Variants in CFTR observed in about 807,000 individuals in gnomAD.
The protein encoded by CFTR is cystic fibrosis transmembrane conductance regulator.
In CFTR, 181 loss-of-function variants were observed where a neutral mutation model predicts 171.6. That is an observed-to-expected ratio of 1.05 (90% CI 0.93 to 1.19). CFTR has a LOEUF of 1.19. CFTR is among the 50% of genes most tolerant of loss of function. The pLI, the probability that CFTR is intolerant of heterozygous loss-of-function variation, is 0.00. For missense variants in CFTR, 1,968 were observed against 1,734.7 expected, an observed-to-expected ratio of 1.13 and a Z score of -2.39; for synonymous variants, 583 against 608.0, an observed-to-expected ratio of 0.96 and a Z score of 0.60.
intron 11 of CFTR, among the ~76,000 whole-genome samples, chr7:117,581,488 A>G (rs1245960090): frequency 6.6e-6 from 1 of 152,208 alleles, no homozygotes; most frequent in Middle Eastern, 3.2e-3. Flanking sequence ...ATTGATAAAT[A>G]TCTCATTACA....
At chr7:117,487,006 A>G (rs905290173) in intron 1 of CFTR, among the ~76,000 whole-genome samples, 5 of 152,056 alleles carry the variant, frequency 3.3e-5, no homozygotes, top group African/African-American at 1.2e-4. Flanking sequence ...TAAGGATAAC[A>G]TCTATATTTG....
intron 14 of CFTR, among the ~76,000 whole-genome samples, chr7:117,593,393 A>G (rs1290488890): frequency 1.3e-5 from 2 of 152,170 alleles, no homozygotes; most frequent in Admixed American, 6.5e-5. Flanking sequence ...GTTGTAATGA[A>G]TTGATATGTT....
intron 11 of CFTR, among the ~76,000 whole-genome samples, chr7:117,560,443 A>G (rs1439748759): frequency 6.6e-6 from 1 of 152,158 alleles, no homozygotes; most frequent in Admixed American, 6.5e-5. Flanking sequence ...CAAAAGCAAT[A>G]TCTTTGATAG....
chr7:117,660,383 G>T (rs1225337447), intron 24 of CFTR, among the ~76,000 whole-genome samples: 1 of 152,068 alleles, frequency 6.6e-6, no homozygotes, highest in Non-Finnish European at 1.5e-5. Flanking sequence ...TGTAATCCTA[G>T]CACTTTGGGA....
At chr7:117,665,807 T>C (rs1793366541) in intron 26 of CFTR, among the ~76,000 whole-genome samples, 2 of 152,206 alleles carry the variant, frequency 1.3e-5, no homozygotes, top group South Asian at 4.1e-4. Flanking sequence ...TGTTTATAAA[T>C]AGGATATATA....
chr7:117,628,413 T>C (rs1310735195), intron 22 of CFTR, among the ~76,000 whole-genome samples: 3 of 152,164 alleles, frequency 2.0e-5, no homozygotes, highest in African/African-American at 4.8e-5. Flanking sequence ...TCAGGCTCCA[T>C]AAACATATTT....
intron 3 of CFTR, among the ~76,000 whole-genome samples, chr7:117,529,429 G>A (rs1484533928): frequency 7.4e-6 from 1 of 134,686 alleles, no homozygotes; most frequent in East Asian, 2.2e-4. Context: ...TGACACGTTA[G>A]TGGGTGCAGC....
intron 3 of CFTR, among the ~76,000 whole-genome samples, chr7:117,513,079 G>A (rs1182116649): frequency 1.3e-5 from 2 of 152,060 alleles, no homozygotes; most frequent in Admixed American, 6.6e-5. Context: ...AAGGTCTTTG[G>A]CCCCCTAAAG....
chr7:117,642,054 G>A (rs1011310836), intron 22 of CFTR, among the ~76,000 whole-genome samples: 4 of 152,196 alleles, frequency 2.6e-5, no homozygotes, highest in Admixed American at 2.0e-4. Flanking sequence ...TTGGGTACTA[G>A]ATCAAATTGC....
chr7:117,658,328 C>T (rs538553551), intron 24 of CFTR, among the ~76,000 whole-genome samples: 3 of 152,186 alleles, frequency 2.0e-5, no homozygotes, highest in South Asian at 2.1e-4. Flanking sequence ...ATGGGCCCAG[C>T]GCAGTGCCTG....
chr7:117,496,977 T>A (rs750299308), intron 1 of CFTR, among the ~76,000 whole-genome samples: 1 of 152,142 alleles, frequency 6.6e-6, no homozygotes, highest in African/African-American at 2.4e-5. Context: ...TGGTGTCCTT[T>A]GAAGCACAAA....
At chr7:117,636,144 T>C (rs572920162) in intron 22 of CFTR, among the ~76,000 whole-genome samples, 1 of 152,316 alleles carries the variant, frequency 6.6e-6, no homozygotes, top group East Asian at 1.9e-4. Flanking sequence ...CACAGAACTC[T>C]AGATTGGTGA....
chr7:117,603,231 C>T (rs1269300261), intron 16 of CFTR, among the ~76,000 whole-genome samples: 1 of 152,090 alleles, frequency 6.6e-6, no homozygotes, highest in Non-Finnish European at 1.5e-5. Context: ...CCTGCAGTTT[C>T]TAAAGAATAT....
chr7:117,661,527 G>A (rs1793281918), intron 24 of CFTR, among the ~76,000 whole-genome samples: 1 of 152,136 alleles, frequency 6.6e-6, no homozygotes. Context: ...GGAGCATACT[G>A]CATTCTGACC....
intron 20 of CFTR, among the ~76,000 whole-genome samples, chr7:117,612,045 A>ATATATATATG (rs1792412540): frequency 1.4e-5 from 1 of 73,344 alleles, no homozygotes; most frequent in South Asian, 3.9e-4. Flanking sequence ...ATATATATAT[A>ATATATATATG]TATATATACA....
chr7:117,647,161 A>C (rs553567464), intron 23 of CFTR, among the ~76,000 whole-genome samples: 58 of 152,024 alleles, frequency 3.8e-4, no homozygotes, highest in African/African-American at 1.3e-3. Flanking sequence ...AGAGTCTTGC[A>C]CTGTCACCTA....
chr7:117,574,732 A>G (rs1290369361), intron 11 of CFTR, among the ~76,000 whole-genome samples: 3 of 152,150 alleles, frequency 2.0e-5, no homozygotes, highest in Non-Finnish European at 2.9e-5. Context: ...TATGAATTTG[A>G]CATGTACTAT....
At position 117,522,341 on chromosome 7, in the gene CFTR, G is replaced by A. The variant is rs1798697575; in HGVS notation, c.274-8558G>A. Among the ~76,000 whole-genome samples, 1 of 152,178 alleles carries A rather than the reference G, an allele frequency of 6.6e-6. No homozygotes were observed. The highest frequency in any genetic ancestry group is 2.1e-4 in the South Asian group (1 of 4,830). ...AGCACTGGAGGGGACATCACAATTAGCTTTCTCCACCTCTTAGTTTATCAG... is the reference window on the plus strand; with the variant it reads ...AGCACTGGAGGGGACATCACAATTAACTTTCTCCACCTCTTAGTTTATCAG... On this transcript the variant is annotated intron_variant, in intron 3 of 26. Coordinates refer to ENST00000003084, the MANE Select transcript of CFTR (RefSeq NM_000492.4).
At chr7:117,664,597 A>C in intron 24 of CFTR, 91 bp from the exon 25 acceptor site, 1 of 1,209,312 alleles carries the variant, frequency 8.3e-7, no homozygotes, top group Non-Finnish European at 1.2e-6. Flanking sequence ...GAAAAACATA[A>C]GCTTTCAGAA....
Sources: gnomAD v4.1 joint callset for allele counts (sites outside exome capture counted in the v4.1 genomes callset) on GRCh38, gnomAD v4.1.1 for gene constraint, MANE v1.5 for transcripts, NCBI Gene and HGNC (gene_info 2026-07-23, HGNC 2026-07-21) for gene names.